The following PTGR1 variants were observed in gnomAD, a reference collection of about 807,000 sequenced individuals.
The protein encoded by PTGR1 is 15-oxoprostaglandin 13-reductase.
PTGR1 carries 23 observed loss-of-function variants against 37.7 expected under a neutral mutation model. The observed-to-expected ratio is 0.61, with a 90% CI of 0.44 to 0.86. PTGR1 has a LOEUF of 0.86. Ranked by LOEUF, PTGR1 falls within the 40% of genes least tolerant of loss-of-function variation. PTGR1 has a pLI of 0.00. For missense variants in PTGR1, 351 were observed against 394.3 expected (o/e 0.89, Z 0.93); for synonymous variants, 134 against 140.0 (o/e 0.96, Z 0.30).
At chr9:111,575,990 C>CAA (rs113507485) in intron 7 of PTGR1, among the ~76,000 whole-genome samples, 2 of 147,416 alleles carry the variant, frequency 1.4e-5, no homozygotes, top group African/African-American at 2.5e-5. Context: ...TCCATCTCTA[C>CAA]AAAAAAAAAA....
chr9:111,559,112 A>C (rs1589287313), downstream of PTGR1, among the ~76,000 whole-genome samples: 1 of 150,752 alleles, frequency 6.6e-6, no homozygotes, highest in Non-Finnish European at 1.5e-5. Flanking sequence ...TCAGGCTCTG[A>C]CCTCCCTGCC....
chr9:111,565,316 C>T lies in PTGR1; in HGVS notation c.880-2085G>A, dbSNP rs1214201113. On this transcript the variant is annotated intron_variant, in intron 9 of 9. Transcript: ENST00000407693. ...GAAACAACCCTGCTGACACCTTGAT[C>T]TTAGACTTCTAGCCTCCAGAACTGT... is the stretch of plus-strand genomic sequence containing the variant. Among the ~76,000 whole-genome samples the T allele has an allele frequency of 2.6e-5, 4 of 152,162 alleles. No individual in the cohort carries two copies. In the East Asian group the frequency reaches 7.7e-4, roughly 29 times the overall value.
chr9:111,552,181 A>G (rs1200850819), intron 9 of PTGR1, among the ~76,000 whole-genome samples: 1 of 152,194 alleles, frequency 6.6e-6, no homozygotes, highest in African/African-American at 2.4e-5. Flanking sequence ...TTTTGTTTCA[A>G]GGAAATCTTG....
chr9:111,570,145 C>T lies in PTGR1; in HGVS notation c.825G>A (p.Trp275Ter). The part of the protein sequence containing the change: ...LRMEAFVVYR[W>*]QGDARQKALK... ...GAGCTTTTTGGCGGGCATCTCCTTGCCAGCGGTAGACGACAAAAGCTTCCA... is the reference window on the plus strand; with the variant it reads ...GAGCTTTTTGGCGGGCATCTCCTTGTCAGCGGTAGACGACAAAAGCTTCCA... The change falls in exon 9 of 10, where the codon TGG becomes TGA. Residue 275 changes from tryptophan (W) to a stop codon, truncating the protein, a stop_gained. Transcript: ENST00000407693. LOFTEE classifies it high-confidence loss of function. 6.2e-7 allele frequency: 1 copy of T among 1,614,092 alleles called. No individual in the cohort carries two copies. Among genetic ancestry groups the T allele is most frequent in the East Asian group, 2.2e-5 (1 of 44,860 alleles).
intron 4 of PTGR1, among the ~76,000 whole-genome samples, chr9:111,589,902 T>C (rs1589319019): frequency 1.3e-5 from 2 of 152,210 alleles, no homozygotes; most frequent in African/African-American, 4.8e-5. Flanking sequence ...CCCAAAGTGC[T>C]GGGATTGCAA....
At chr9:111,559,701 G>A (rs943194949), downstream of PTGR1, among the ~76,000 whole-genome samples, 3 of 152,074 alleles carry the variant, frequency 2.0e-5, no homozygotes, top group Admixed American at 6.6e-5. Context: ...AGCCAGCCTC[G>A]GTGCATGACC....
chr9:111,580,202 T>C (rs1163705482), intron 6 of PTGR1, among the ~76,000 whole-genome samples: 2 of 152,194 alleles, frequency 1.3e-5, no homozygotes, highest in Admixed American at 1.3e-4. Flanking sequence ...TCTCCTGAGT[T>C]CCAAATCAGT....
At chr9:111,551,052 T>C (rs1327765621) in intron 9 of PTGR1, among the ~76,000 whole-genome samples, 1 of 152,260 alleles carries the variant, frequency 6.6e-6, no homozygotes, top group Non-Finnish European at 1.5e-5. Context: ...AACAGTAATA[T>C]AATGTGAGCC....
At chr9:111,576,374 G>C in intron 7 of PTGR1, 2 of 1,614,062 alleles carry the variant, frequency 1.2e-6, no homozygotes, top group Non-Finnish European at 8.5e-7. Context: ...GACATACATG[G>C]AGCAGTAAAA....
At chr9:111,595,234 CAAG>C (rs1304512446) in intron 2 of PTGR1, among the ~76,000 whole-genome samples, 1 of 152,036 alleles carries the variant, frequency 6.6e-6, no homozygotes, top group East Asian at 1.9e-4. Context: ...ATCGCAGAGA[CAAG>C]AAGGGGTTCT....
chr9:111,551,915 A>AT (rs946445477), intron 9 of PTGR1, among the ~76,000 whole-genome samples: 1 of 152,102 alleles, frequency 6.6e-6, no homozygotes, highest in African/African-American at 2.4e-5. Context: ...GATTTTGCTT[A>AT]TTTTTTGCAG....
chr9:111,551,061 C>T (rs932434769), intron 9 of PTGR1, among the ~76,000 whole-genome samples: 6 of 152,210 alleles, frequency 3.9e-5, no homozygotes, highest in African/African-American at 1.2e-4. Context: ...ATAATGTGAG[C>T]CACATACATA....
intron 9 of PTGR1, among the ~76,000 whole-genome samples, chr9:111,568,990 A>C (rs991777521): frequency 6.6e-6 from 1 of 152,236 alleles, no homozygotes; most frequent in Non-Finnish European, 1.5e-5. Flanking sequence ...AAGATGACCA[A>C]GGCTTTTGGA....
At chr9:111,572,453 G>A (rs747737027) in intron 8 of PTGR1, among the ~76,000 whole-genome samples, 13 of 152,138 alleles carry the variant, frequency 8.5e-5, no homozygotes, top group Admixed American at 6.6e-5. Flanking sequence ...AGTCAGGCGT[G>A]ACGATTTGTG....
intron 6 of PTGR1, among the ~76,000 whole-genome samples, chr9:111,580,146 T>C (rs1829234558): frequency 6.6e-6 from 1 of 152,212 alleles, no homozygotes; most frequent in Non-Finnish European, 1.5e-5. Context: ...ATGCAGATTA[T>C]TAATTAATCT....
At chr9:111,589,970 C>T (rs1407084871) in intron 4 of PTGR1, among the ~76,000 whole-genome samples, 1 of 151,986 alleles carries the variant, frequency 6.6e-6, no homozygotes, top group African/African-American at 2.4e-5. Flanking sequence ...AGTGGGGAAC[C>T]CCTTTCTAAG....
chr9:111,588,879 C>G (rs1347585256), intron 4 of PTGR1, among the ~76,000 whole-genome samples: 1 of 152,054 alleles, frequency 6.6e-6, no homozygotes, highest in East Asian at 1.9e-4. Flanking sequence ...AGGGTGGTCT[C>G]AAACTCCTAG....
chr9:111,554,129 A>G (rs80223529), intron 9 of PTGR1, among the ~76,000 whole-genome samples: 4,245 of 152,306 alleles, frequency 0.028, 117 homozygotes, highest in East Asian at 0.15. Flanking sequence ...AAATCTGGAG[A>G]TTATCACAAC....
chr9:111,583,324 T>C, intron 6 of PTGR1, 148 bp downstream of exon 6: 1 of 677,156 alleles, frequency 1.5e-6, no homozygotes, highest in Non-Finnish European at 2.6e-6. Context: ...GGTATAGTTT[T>C]CCCCATTCCT....
Sources: gnomAD v4.1 joint callset for allele counts (sites outside exome capture counted in the v4.1 genomes callset) on GRCh38, gnomAD v4.1.1 for gene constraint, MANE v1.5 for transcripts, NCBI Gene and HGNC (gene_info 2026-07-23, HGNC 2026-07-21) for gene names.